Variants in KRIT1 observed in about 807,000 individuals in gnomAD.
KRIT1 encodes KRIT1 ankyrin repeat containing.
Under a neutral mutation model 95.8 loss-of-function variants are expected in KRIT1, and 45 were observed. That is an observed-to-expected ratio of 0.47 (90% CI 0.37 to 0.60). The LOEUF (loss-of-function observed/expected upper bound fraction) is 0.60. Among genes scored for constraint, KRIT1 ranks in the 20% least tolerant of loss-of-function variants. The pLI, the probability that KRIT1 is intolerant of heterozygous loss-of-function variation, is 0.00. For missense variants in KRIT1, 788 were observed against 877.5 expected (o/e 0.90, Z 1.29); for synonymous variants, 282 against 278.8 (o/e 1.01, Z -0.11).
At chr7:92,206,906 T>C (rs1462512138) in intron 17 of KRIT1, 1 of 146,372 alleles carries the variant, frequency 6.8e-6, no homozygotes, top group East Asian at 2.0e-4. Context: ...ATAAAGAATT[T>C]GTAAACCCGA....
intron 17 of KRIT1, among the ~76,000 whole-genome samples, chr7:92,208,151 C>G (rs1169929340): frequency 2.6e-5 from 4 of 151,964 alleles, no homozygotes; most frequent in African/African-American, 9.7e-5. Flanking sequence ...AAAAATTTCT[C>G]AAATGCAATG....
chr7:92,221,812 G>A (rs752363500), intron 14 of KRIT1, 90 bp downstream of exon 14: 1 of 1,072,620 alleles, frequency 9.3e-7, no homozygotes, highest in Non-Finnish European at 1.4e-6. Flanking sequence ...ATTTAAGGAT[G>A]TAAGCACAAT....
chr7:92,210,693 A>G (rs1189443262), intron 17 of KRIT1, among the ~76,000 whole-genome samples: 1 of 152,238 alleles, frequency 6.6e-6, no homozygotes, highest in African/African-American at 2.4e-5. Flanking sequence ...GGGACTATTT[A>G]AACTATTAAG....
chr7:92,234,780 G>C, intron 9 of KRIT1, 28 bp downstream of exon 9: 1 of 1,293,074 alleles, frequency 7.7e-7, no homozygotes, highest in Non-Finnish European at 1.1e-6. Flanking sequence ...TTTTATAAAA[G>C]CAATGTGGAG....
chr7:92,222,938 C>G lies in KRIT1; in HGVS notation c.1295G>C (p.Arg432Pro). 6.2e-7 allele frequency: 1 copy of G among 1,609,000 alleles called. No individual in the cohort carries two copies. Among genetic ancestry groups the G allele is most frequent in the Non-Finnish European group, 8.5e-7 (1 of 1,175,620 alleles). The part of the protein sequence containing the change: ...VRIYRMDGSY[R>P]SVELKHGNNT... ...ATTTCCATGCTTCAATTCAACAGAA[C>G]GATATGACCCATCCATTCTGTATAT... The change falls in exon 13 of 19, where the codon CGT (arginine) becomes CCT (proline). Residue 432 changes from arginine to proline, a missense_variant. Physicochemically the swap from Arg to Pro is moderately radical, Grantham distance 103. This residue lies in a region of KRIT1 where 493 missense variants were observed against 582.3 expected (regional missense o/e 0.85). Transcript: ENST00000394505.
At chr7:92,208,232 A>G (rs914076848) in intron 17 of KRIT1, among the ~76,000 whole-genome samples, 4 of 152,166 alleles carry the variant, frequency 2.6e-5, no homozygotes, top group South Asian at 2.1e-4. Flanking sequence ...GTTTACTGCA[A>G]TAACATCTAT....
chr7:92,234,798 G>T lies in KRIT1; in HGVS notation c.845+10C>A. On this transcript the variant is annotated intron_variant, in intron 9 of 18. Coordinates refer to ENST00000394505, the MANE Select transcript of KRIT1 (RefSeq NM_194454.3). ...TATAAAAGCAATGTGGAGTAAAACC[G>T]AAACAGTACTTGTCTTCTGTGACAC... 1 of 1,490,960 alleles carries T rather than the reference G, an allele frequency of 6.7e-7. No individual in the cohort carries two copies. Among genetic ancestry groups the T allele is most frequent in the South Asian group, 1.1e-5 (1 of 88,554 alleles). The allele number at this position is 1,490,960 out of a possible 1,614,324, so 92.4% of individuals were successfully genotyped here.
chr7:92,219,043 C>G (rs1300523985), intron 14 of KRIT1, among the ~76,000 whole-genome samples: 1 of 152,114 alleles, frequency 6.6e-6, no homozygotes, highest in Non-Finnish European at 1.5e-5. Flanking sequence ...CTTTGTCACC[C>G]AGGCTGGAGT....
chr7:92,226,264 C>T (rs943623671), intron 11 of KRIT1, among the ~76,000 whole-genome samples: 7 of 151,678 alleles, frequency 4.6e-5, no homozygotes, highest in South Asian at 2.1e-4. Context: ...CTGAACTGTA[C>T]GCCTAAAAAT....
intron 17 of KRIT1, among the ~76,000 whole-genome samples, chr7:92,205,141 G>A (rs1044680754): frequency 6.6e-6 from 1 of 152,184 alleles, no homozygotes; most frequent in African/African-American, 2.4e-5. Context: ...GAGGTCAGGT[G>A]TTCGAGACTG....
rs750558977 is a variant in KRIT1, at chr7:92,222,788, G to C, written c.1411+34C>G. On this transcript the variant is annotated intron_variant, in intron 13 of 18. Transcript: ENST00000394505. ...CAACCCACTCCCAAAAAGGAATAAT[G>C]AGGTTTACTATAACATAATAAAAAC... is the stretch of plus-strand genomic sequence containing the variant. 5 of 1,327,290 alleles carry C rather than the reference G, an allele frequency of 3.8e-6. No homozygotes were observed. The East Asian group carries it at 9.2e-5, about 24-fold the overall frequency. 82.2% of individuals were successfully genotyped at this position (1,327,290 alleles called of 1,614,324 possible). A position where few individuals can be genotyped will look rare whatever the true frequency, so the allele number is the denominator to read the frequency against.
intron 8 of KRIT1, 80 bp from the exon 9 acceptor site, chr7:92,235,003 A>C: frequency 1.3e-6 from 1 of 753,774 alleles, no homozygotes; most frequent in Admixed American, 2.0e-5. Context: ...TTAAATTTTT[A>C]CTTATTTATT....
chr7:92,201,464 A>G (rs776227521), intron 17 of KRIT1, 41 bp from the exon 18 acceptor site: 2 of 941,720 alleles, frequency 2.1e-6, no homozygotes, highest in South Asian at 2.6e-5. Context: ...AATACATATT[A>G]AAAACTTCAC....
intron 17 of KRIT1, among the ~76,000 whole-genome samples, chr7:92,203,610 C>T (rs906536171): frequency 6.6e-6 from 1 of 152,110 alleles, no homozygotes; most frequent in Non-Finnish European, 1.5e-5. Context: ...AAGTATTATA[C>T]ATAATATGAA....
chr7:92,226,976 T>C (rs1796329660), intron 10 of KRIT1, among the ~76,000 whole-genome samples: 1 of 152,192 alleles, frequency 6.6e-6, no homozygotes, highest in African/African-American at 2.4e-5. Flanking sequence ...CCATGTGTAC[T>C]ACAAAGGTTA....
chr7:92,215,099 G>A (rs537445684), intron 14 of KRIT1, among the ~76,000 whole-genome samples: 61 of 151,960 alleles, frequency 4.0e-4, no homozygotes, highest in African/African-American at 1.4e-3. Context: ...AAAATATTTC[G>A]CTGATAGGAA....
At chr7:92,223,658 A>G (rs1255711114) in intron 12 of KRIT1, among the ~76,000 whole-genome samples, 1 of 152,140 alleles carries the variant, frequency 6.6e-6, no homozygotes, top group African/African-American at 2.4e-5. Flanking sequence ...GTGTTCGTCA[A>G]GTACTTCACG....
At chr7:92,232,208 G>A (rs1797442927) in intron 10 of KRIT1, among the ~76,000 whole-genome samples, 1 of 152,150 alleles carries the variant, frequency 6.6e-6, no homozygotes, top group South Asian at 2.1e-4. Flanking sequence ...GATTACAGGT[G>A]TGGGCCACTA....
chr7:92,215,581 T>C lies in KRIT1; in HGVS notation c.1564-804A>G, dbSNP rs151208405. ...ACCTCGTGGGCTCAAGCTATCTACCTGCCTCAGTCTCCCAAGTAGCTGGGA... is the reference window on the plus strand; with the variant it reads ...ACCTCGTGGGCTCAAGCTATCTACCCGCCTCAGTCTCCCAAGTAGCTGGGA... On this transcript the variant is annotated intron_variant, in intron 14 of 18. Coordinates refer to ENST00000394505, the MANE Select transcript of KRIT1 (RefSeq NM_194454.3). Among the ~76,000 whole-genome samples, 217 of 152,266 alleles carry C rather than the reference T, an allele frequency of 1.4e-3. 4 individuals are homozygous for C. In the East Asian group the frequency reaches 0.038, roughly 27 times the overall value.
Sources: allele counts gnomAD v4.1 joint callset (sites outside exome capture counted in the v4.1 genomes callset), GRCh38; gene constraint gnomAD v4.1.1; regional missense constraint gnomAD v4.1.1; transcripts MANE v1.5; gene names NCBI Gene and HGNC (gene_info 2026-07-23, HGNC 2026-07-21).